The following RSU1 variants were observed in gnomAD, a reference collection of about 807,000 sequenced individuals.
The protein encoded by RSU1 is Ras suppressor protein 1, also known as rsu-1.
In RSU1, 26 loss-of-function variants were observed where a neutral mutation model predicts 31.1. The observed-to-expected ratio is 0.84, with a 90% CI of 0.61 to 1.16. RSU1 has a LOEUF of 1.16. Among genes scored for constraint, RSU1 ranks in the 50% most tolerant of loss-of-function variants. RSU1 has a pLI of 0.00. For missense variants in RSU1, 320 were observed against 339.1 expected, an observed-to-expected ratio of 0.94 and a Z score of 0.44; for synonymous variants, 164 against 136.3, an observed-to-expected ratio of 1.20 and a Z score of -1.41.
chr10:16,657,714 CAG>C (rs998398676), intron 8 of RSU1, among the ~76,000 whole-genome samples: 3 of 152,120 alleles, frequency 2.0e-5, no homozygotes, highest in Non-Finnish European at 4.4e-5. Flanking sequence ...TCCAAAGGGC[CAG>C]GCACGGTGGC....
At chr10:16,650,279 A>G (rs1346843740) in intron 8 of RSU1, among the ~76,000 whole-genome samples, 1 of 152,196 alleles carries the variant, frequency 6.6e-6, no homozygotes, top group East Asian at 1.9e-4. Context: ...GGTCTCATTA[A>G]TCACCTTTCT....
chr10:16,792,250 G>C (rs1020039869), intron 2 of RSU1, among the ~76,000 whole-genome samples: 1 of 152,084 alleles, frequency 6.6e-6, no homozygotes, highest in Admixed American at 6.5e-5. Flanking sequence ...TTTTTTGTTT[G>C]TTTTGAAACA....
At chr10:16,707,189 G>A (rs967540964) in intron 7 of RSU1, among the ~76,000 whole-genome samples, 7 of 152,154 alleles carry the variant, frequency 4.6e-5, no homozygotes, top group Admixed American at 3.9e-4. Context: ...ATTGTAAACA[G>A]TGCTGCAATA....
At chr10:16,743,838 G>C (rs527368438) in intron 7 of RSU1, among the ~76,000 whole-genome samples, 1 of 152,280 alleles carries the variant, frequency 6.6e-6, no homozygotes, top group Non-Finnish European at 1.5e-5. Context: ...TAAGGAAATA[G>C]TTAAAAGATT....
rs536237792 is a variant in RSU1 at position 16,628,445 on chromosome 10, C to T, written c.732-34949G>A. On this transcript the variant is annotated intron_variant, in intron 8 of 8. Coordinates refer to ENST00000345264, the MANE Select transcript of RSU1 (RefSeq NM_012425.4). Reference sequence around the variant, plus strand: ...CGTGTACCTAATACTTAATTTCTTTCGATATAAATCTTAAAAACATCACTG... The same window carrying T: ...CGTGTACCTAATACTTAATTTCTTTTGATATAAATCTTAAAAACATCACTG... Among the ~76,000 whole-genome samples, 23 of 152,136 alleles carry T rather than the reference C, an allele frequency of 1.5e-4. 1 individual carries two copies. In the South Asian group the frequency reaches 4.4e-3, roughly 29 times the overall value.
chr10:16,795,362 A>G (rs1420788704), intron 2 of RSU1, among the ~76,000 whole-genome samples: 2 of 151,636 alleles, frequency 1.3e-5, no homozygotes, highest in Non-Finnish European at 2.9e-5. Flanking sequence ...TCAAAAAAAA[A>G]AAAAAAAAAA....
intron 8 of RSU1, among the ~76,000 whole-genome samples, chr10:16,675,609 C>T (rs1232199504): frequency 6.6e-6 from 1 of 152,154 alleles, no homozygotes. Flanking sequence ...TCACTATTCA[C>T]ATAAACACAT....
At chr10:16,655,028 G>A (rs1364315683) in intron 8 of RSU1, among the ~76,000 whole-genome samples, 1 of 143,982 alleles carries the variant, frequency 6.9e-6, no homozygotes, top group African/African-American at 2.6e-5. Context: ...TGTGCCTGGA[G>A]TGCTGGGCAA....
rs1382695761 is a variant in RSU1, at chr10:16,709,080, G to A, written c.599-13925C>T. On this transcript the variant is annotated intron_variant, in intron 7 of 8. Transcript: ENST00000345264. ...TACATATGTATACATGTGCCATGCT[G>A]GTGTGTTACACCCATTAACTCGTCA... Among the ~76,000 whole-genome samples, 3 of 151,482 alleles carry A rather than the reference G, an allele frequency of 2.0e-5. No homozygotes were observed. In the East Asian group the frequency reaches 5.8e-4, roughly 29 times the overall value.
chr10:16,756,010 T>C (rs1205951423), intron 4 of RSU1, among the ~76,000 whole-genome samples: 2 of 152,224 alleles, frequency 1.3e-5, no homozygotes, highest in Non-Finnish European at 2.9e-5. Flanking sequence ...ACAACTTCCC[T>C]ATGAACGTAG....
chr10:16,646,229 A>T (rs1834568369), intron 8 of RSU1, among the ~76,000 whole-genome samples: 1 of 151,824 alleles, frequency 6.6e-6, no homozygotes, highest in African/African-American at 2.4e-5. Context: ...TGATAGGAGA[A>T]AGCCCGTTCC....
intron 7 of RSU1, among the ~76,000 whole-genome samples, chr10:16,726,098 GAAGT>G: frequency 6.6e-6 from 1 of 151,408 alleles, no homozygotes; most frequent in South Asian, 2.1e-4. Context: ...AATATTTTAG[GAAGT>G]AATAGCTTAA....
At chr10:16,623,363 C>T (rs1834102865) in intron 8 of RSU1, among the ~76,000 whole-genome samples, 1 of 152,170 alleles carries the variant, frequency 6.6e-6, no homozygotes, top group Non-Finnish European at 1.5e-5. Flanking sequence ...AGGATGTAAT[C>T]TCATTCTTTT....
intron 8 of RSU1, among the ~76,000 whole-genome samples, chr10:16,606,149 A>G (rs1424171117): frequency 6.6e-6 from 1 of 152,142 alleles, no homozygotes; most frequent in African/African-American, 2.4e-5. Context: ...CCTCTTGCGG[A>G]CACTTTTGTA....
At chr10:16,641,049 A>G (rs1459238401) in intron 8 of RSU1, among the ~76,000 whole-genome samples, 1 of 152,218 alleles carries the variant, frequency 6.6e-6, no homozygotes, top group Non-Finnish European at 1.5e-5. Context: ...TAGCTAATGC[A>G]TGTTGTGCTT....
At chr10:16,793,015 GT>G (rs1334518962) in intron 2 of RSU1, among the ~76,000 whole-genome samples, 1 of 152,174 alleles carries the variant, frequency 6.6e-6, no homozygotes, top group Non-Finnish European at 1.5e-5. Flanking sequence ...ATCTACTTAC[GT>G]ATGCAGGTTC....
At chr10:16,782,446 G>C (rs1446643726) in intron 2 of RSU1, among the ~76,000 whole-genome samples, 1 of 152,182 alleles carries the variant, frequency 6.6e-6, no homozygotes, top group Non-Finnish European at 1.5e-5. Flanking sequence ...GGGGGCAGAG[G>C]TGCACAGGGG....
chr10:16,720,663 C>T (rs908787180), intron 7 of RSU1, among the ~76,000 whole-genome samples: 5 of 152,222 alleles, frequency 3.3e-5, no homozygotes, highest in African/African-American at 1.2e-4. Context: ...GCAACACCCT[C>T]TTTCACACAT....
intron 3 of RSU1, among the ~76,000 whole-genome samples, chr10:16,772,193 T>C (rs1837436048): frequency 6.6e-6 from 1 of 152,174 alleles, no homozygotes; most frequent in East Asian, 1.9e-4. Context: ...CATAAGCAAG[T>C]GATAAGGTCG....
Sources: allele counts gnomAD v4.1 joint callset (sites outside exome capture counted in the v4.1 genomes callset), GRCh38; gene constraint gnomAD v4.1.1; transcripts MANE v1.5; gene names NCBI Gene and HGNC (gene_info 2026-07-23, HGNC 2026-07-21).